SRCIN1: variants seen among roughly 807,000 people sequenced by gnomAD.
The protein encoded by SRCIN1 is P130Cas-associated protein.
A neutral mutation model predicts 116.2 loss-of-function variants in SRCIN1; 50 were observed. The ratio of observed to expected loss-of-function variants is 0.43; its 90% confidence interval spans 0.34 to 0.54. The LOEUF is 0.54. Among genes scored for constraint, SRCIN1 ranks in the 20% least tolerant of loss-of-function variants. The pLI, the probability that SRCIN1 is intolerant of heterozygous loss-of-function variation, is 0.02. For missense variants in SRCIN1, 1,446 were observed against 1,672.0 expected, an observed-to-expected ratio of 0.86 and a Z score of 2.36; for synonymous variants, 736 against 750.0, an observed-to-expected ratio of 0.98 and a Z score of 0.30.
At position 38,544,683 on chromosome 17, in the gene SRCIN1, C is replaced by T. The variant is rs1003789252; in HGVS notation, c.3271-714G>A. ...GGGATTGGCCGGCCCCTGGGTAGGC[C>T]GGCTTCCCAGCCTCCCCCGGACTCT... is the stretch of plus-strand genomic sequence containing the variant. On this transcript the variant is annotated intron_variant, in intron 17 of 18. Transcript: ENST00000617146. This position sits in a 1 kb window ranked among gnomAD's most constrained non-coding sequence, Gnocchi z 4.5. 5 of 152,196 alleles carry T rather than the reference C, an allele frequency of 3.3e-5. No homozygotes were observed. The highest frequency in any genetic ancestry group is 7.2e-5 in the African/African-American group (3 of 41,408). The allele number at this position is 152,196 out of a possible 1,614,324, so 9.4% of individuals were successfully genotyped here. A position where few individuals can be genotyped will look rare whatever the true frequency, so the allele number is the denominator to read the frequency against.
rs141617960 is a variant in SRCIN1 at position 38,549,155 on chromosome 17, C to T, written c.3018G>A (p.Pro1006=). ...AGGGGAAGCTCCGGCGGGGAGGGGG[C>T]GGTGGGGGCGACTTGGAGGGCTTCT... ...RTEKPSKSPP[P]PPPRRSFPSS... Residue 1006 remains proline, a synonymous_variant, in exon 16 of 19, where the codon CCG becomes CCA. Coordinates refer to ENST00000617146, the MANE Select transcript of SRCIN1 (RefSeq NM_025248.3). 4.2e-5 allele frequency: 31 copies of T among 743,788 alleles called. 1 individual carries two copies. The highest frequency in any genetic ancestry group is 3.2e-4 in the Middle Eastern group (1 of 3,110). The allele number at this position is 743,788 out of a possible 1,614,324, so 46.1% of individuals were successfully genotyped here. A position where few individuals can be genotyped will look rare whatever the true frequency, so the allele number is the denominator to read the frequency against.
rs983430573 is a variant in SRCIN1 at position 38,531,906 on chromosome 17, T to A, written c.*1391A>T. 3.3e-5 allele frequency: 5 copies of A among 153,362 alleles called. No homozygotes were observed. The highest frequency in any genetic ancestry group is 1.2e-4 in the African/African-American group (5 of 41,474). The allele number at this position is 153,362 out of a possible 1,614,324, so 9.5% of individuals were successfully genotyped here. On this transcript the variant is annotated 3_prime_UTR_variant, in exon 19 of 19. Coordinates refer to ENST00000617146, the MANE Select transcript of SRCIN1 (RefSeq NM_025248.3). Reference sequence around the variant, plus strand: ...TGCTTACTTCACTTTGTGCTCCAAGTGGGAATCCTGCGGCCGGGGACCCCG... The same window carrying A: ...TGCTTACTTCACTTTGTGCTCCAAGAGGGAATCCTGCGGCCGGGGACCCCG...
Position 38,562,912 on chromosome 17 carries a change from T to A in SRCIN1, c.749A>T (p.Gln250Leu). The A allele has an allele frequency of 6.2e-7, 1 of 1,613,452 alleles. No individual in the cohort carries two copies. Among genetic ancestry groups the A allele is most frequent in the Non-Finnish European group, 8.5e-7 (1 of 1,179,658 alleles). Residue 250 changes from glutamine (Q) to leucine (L), a missense_variant, in exon 6 of 19, where the codon CAG becomes CTG. Gln to Leu is a moderately radical substitution (Grantham distance 113). Around this residue, in one of 5 missense-constraint regions of SRCIN1, gnomAD observed 239 missense variants for 317.7 expected, o/e 0.75. Coordinates refer to ENST00000617146, the MANE Select transcript of SRCIN1 (RefSeq NM_025248.3). The surrounding 1 kb of genome is among the most constrained non-coding windows in gnomAD (Gnocchi z 4.2). Reference protein sequence around the residue: ...FYELEDVRDIQDRSIIKIYRK... With the variant: ...FYELEDVRDILDRSIIKIYRK... The stretch of plus-strand genomic sequence containing the variant: ...GTAGATCTTGATAATACTGCGGTCC[T>A]GGATGTCCCTGGGAGAGGCGGGGAG...
rs1208717797 is a variant in SRCIN1 at position 38,563,974 on chromosome 17, G to A, written c.541+144C>T. 1.1e-6 allele frequency: 1 copy of A among 897,644 alleles called. No individual in the cohort carries two copies. Among genetic ancestry groups the A allele is most frequent in the Non-Finnish European group, 1.7e-6 (1 of 589,962 alleles). The allele number at this position is 897,644 out of a possible 1,614,324, so 55.6% of individuals were successfully genotyped here. On this transcript the variant is annotated intron_variant, in intron 4 of 18. Transcript: ENST00000617146. The surrounding 1 kb of genome is among the most constrained non-coding windows in gnomAD (Gnocchi z 5.8). ...GCGAGAGAGAGATGGAGAGAGCTGG[G>A]GTTGCTTGGGGAGAAGGGGCTGTGG...
chr17:38,580,587 C>T (rs1907732467), intron 1 of SRCIN1, among the ~76,000 whole-genome samples: 1 of 152,198 alleles, frequency 6.6e-6, no homozygotes, highest in African/African-American at 2.4e-5. Flanking sequence ...CTGATTTGAT[C>T]TCAATATTTA....
intron 2 of SRCIN1, chr17:38,575,113 C>G (rs1207241538): frequency 2.5e-6 from 1 of 397,774 alleles, no homozygotes; most frequent in Non-Finnish European, 4.4e-6. Flanking sequence ...GCGATGCTGG[C>G]AAGTCCCTTA....
intron 3 of SRCIN1, among the ~76,000 whole-genome samples, chr17:38,566,348 C>T (rs943560578): frequency 6.6e-6 from 1 of 152,176 alleles, no homozygotes; most frequent in Non-Finnish European, 1.5e-5. Flanking sequence ...ACAGCCTGTA[C>T]AGAAAACCCT....
intron 1 of SRCIN1, among the ~76,000 whole-genome samples, chr17:38,593,028 C>T (rs1262509838): frequency 6.6e-6 from 1 of 152,070 alleles, no homozygotes; most frequent in Admixed American, 6.6e-5. Context: ...AGTTTGCTGC[C>T]CCCACAAGCA....
rs939903772 is a variant in SRCIN1 at position 38,562,555 on chromosome 17, C to A, written c.835-227G>T. Among the ~76,000 whole-genome samples the A allele has an allele frequency of 6.6e-6, 1 of 152,178 alleles. No individual in the cohort carries two copies. Among genetic ancestry groups the A allele is most frequent in the African/African-American group, 2.4e-5 (1 of 41,450 alleles). ...GAGGGGTAACCCTCAGCTCAGCTAC[C>A]GTGAGGGGTGGGAAGTAGAAGGGGA... is the stretch of plus-strand genomic sequence containing the variant. On this transcript the variant is annotated intron_variant, in intron 6 of 18. Coordinates refer to ENST00000617146, the MANE Select transcript of SRCIN1 (RefSeq NM_025248.3). This position sits in a 1 kb window ranked among gnomAD's most constrained non-coding sequence, Gnocchi z 4.2.
chr17:38,546,203 C>T (rs1449380392), intron 17 of SRCIN1, among the ~76,000 whole-genome samples: 1 of 152,260 alleles, frequency 6.6e-6, no homozygotes, highest in Admixed American at 6.5e-5. Context: ...TGCCGTCACA[C>T]CCTTCCTCAC....
chr17:38,549,224 G>T lies in SRCIN1; in HGVS notation c.2963-14C>A. ...CGGTCAACTCATCTGCAGGCACCAA[G>T]GGGCTGGGGGTCAGCAGGCCTGCAA... On this transcript the variant is annotated splice_polypyrimidine_tract_variant and intron_variant, in intron 15 of 18. Coordinates refer to ENST00000617146, the MANE Select transcript of SRCIN1 (RefSeq NM_025248.3). 6.7e-7 allele frequency: 1 copy of T among 1,501,232 alleles called. No homozygotes were observed. 93.0% of individuals were successfully genotyped at this position (1,501,232 alleles called of 1,614,324 possible).
chr17:38,603,846 G>A (rs1909203796), intron 1 of SRCIN1, among the ~76,000 whole-genome samples: 2 of 152,104 alleles, frequency 1.3e-5, no homozygotes, highest in South Asian at 4.1e-4. Flanking sequence ...TCTGTCCCCA[G>A]CAACTCTCAG....
chr17:38,538,873 A>G (rs1277833505), intron 18 of SRCIN1, among the ~76,000 whole-genome samples: 1 of 152,128 alleles, frequency 6.6e-6, no homozygotes, highest in African/African-American at 2.4e-5. Context: ...CCCTAATCGC[A>G]TATCTCTCTG....
chr17:38,596,565 C>T (rs781124973), intron 1 of SRCIN1, among the ~76,000 whole-genome samples: 5 of 152,114 alleles, frequency 3.3e-5, no homozygotes, highest in South Asian at 2.1e-4. Context: ...AATGATAGCC[C>T]GCCTGCCTCC....
Position 38,563,282 on chromosome 17 carries a change from C to T in SRCIN1, c.740+41G>A, listed in dbSNP as rs535097525. 6.5e-7 allele frequency: 1 copy of T among 1,549,012 alleles called. No homozygotes were observed. Among genetic ancestry groups the T allele is most frequent in the South Asian group, 1.2e-5 (1 of 84,082 alleles). ...GGTCCAGCACCCTGCAGAGGAGGAGCGTGGGGAAGCCCACCCAAATCCCCC... is the reference window on the plus strand; with the variant it reads ...GGTCCAGCACCCTGCAGAGGAGGAGTGTGGGGAAGCCCACCCAAATCCCCC... On this transcript the variant is annotated intron_variant, in intron 5 of 18. Transcript: ENST00000617146. The surrounding 1 kb of genome is among the most constrained non-coding windows in gnomAD (Gnocchi z 5.8).
chr17:38,548,792 AC>A (rs1905218259), intron 16 of SRCIN1, 83 bp from the exon 17 acceptor site: 6 of 1,444,398 alleles, frequency 4.2e-6, no homozygotes, highest in Admixed American at 2.7e-5. Flanking sequence ...TCGCCCATGT[AC>A]CCCAGCTTCT....
chr17:38,574,864 TG>T (rs1907311164), intron 2 of SRCIN1: 1 of 396,480 alleles, frequency 2.5e-6, no homozygotes, highest in Non-Finnish European at 4.4e-6. Context: ...GGGGTGGAGG[TG>T]GGTGACTCAC....
At chr17:38,540,659 T>C (rs976668585) in intron 18 of SRCIN1, among the ~76,000 whole-genome samples, 1 of 152,094 alleles carries the variant, frequency 6.6e-6, no homozygotes, top group African/African-American at 2.4e-5. Flanking sequence ...CTGAGGCTGC[T>C]GTGAAGGGCC....
chr17:38,574,457 C>T (rs558771011), intron 2 of SRCIN1, among the ~76,000 whole-genome samples: 3 of 152,254 alleles, frequency 2.0e-5, no homozygotes, highest in African/African-American at 7.2e-5. Flanking sequence ...GCAGAACTTC[C>T]TGATGGTGGG....
Sources: allele counts gnomAD v4.1 joint callset (sites outside exome capture counted in the v4.1 genomes callset), GRCh38; gene constraint gnomAD v4.1.1; regional missense constraint gnomAD v4.1.1; non-coding constraint Gnocchi (gnomAD v3.1); transcripts MANE v1.5; gene names NCBI Gene and HGNC (gene_info 2026-07-23, HGNC 2026-07-21).